KHDRBS3: variants seen among roughly 807,000 people sequenced by gnomAD.
KHDRBS3 encodes the protein KH RNA binding domain containing, signal transduction associated 3.
A neutral mutation model predicts 45.6 loss-of-function variants in KHDRBS3; 23 were observed. The observed-to-expected ratio is 0.50, with a 90% CI of 0.36 to 0.72. The LOEUF is 0.72. Ranked by LOEUF, KHDRBS3 falls within the 30% of genes least tolerant of loss-of-function variation. The probability of loss-of-function intolerance (pLI) is 0.00; values close to 1 mark genes in which losing one functional copy is unlikely to be tolerated. For missense variants in KHDRBS3, 352 were observed against 424.8 expected, an observed-to-expected ratio of 0.83 and a Z score of 1.51; for synonymous variants, 162 against 156.5, an observed-to-expected ratio of 1.04 and a Z score of -0.26.
chr8:135,630,003 G>T (rs1291390822), intron 7 of KHDRBS3, among the ~76,000 whole-genome samples: 1 of 151,610 alleles, frequency 6.6e-6, no homozygotes, highest in African/African-American at 2.4e-5. Flanking sequence ...TCAGGAGATG[G>T]TTTATGGTGG....
In KHDRBS3 at chr8:135,461,216, C is replaced by T. The variant is rs932858515; in HGVS notation, c.88+3262C>T. 6.6e-5 allele frequency among the ~76,000 whole-genome samples: 10 copies of T among 152,112 alleles called. No homozygotes were observed. In the East Asian group the frequency reaches 1.2e-3, roughly 18 times the overall value. ...GCCTTCTGGGTTTGCGCGATTCTCCCGCCTCAGCCTCCCGAGTAGCTGGGA... is the reference window on the plus strand; with the variant it reads ...GCCTTCTGGGTTTGCGCGATTCTCCTGCCTCAGCCTCCCGAGTAGCTGGGA... On this transcript the variant is annotated intron_variant, in intron 1 of 8. Transcript: ENST00000355849.
At chr8:135,470,485 C>CA (rs1056528414) in intron 1 of KHDRBS3, among the ~76,000 whole-genome samples, 2 of 150,832 alleles carry the variant, frequency 1.3e-5, no homozygotes, top group Non-Finnish European at 3.0e-5. Context: ...AATAAGGAGA[C>CA]AAAAAAAGCC....
intron 1 of KHDRBS3, among the ~76,000 whole-genome samples, chr8:135,464,611 T>C (rs1485748858): frequency 6.6e-6 from 1 of 152,244 alleles, no homozygotes; most frequent in African/African-American, 2.4e-5. Context: ...CTTTTGGCTT[T>C]CTGGAAGGGG....
chr8:135,536,139 A>T (rs1485676834), intron 2 of KHDRBS3, among the ~76,000 whole-genome samples: 1 of 148,174 alleles, frequency 6.7e-6, no homozygotes, highest in Non-Finnish European at 1.5e-5. Flanking sequence ...CAAATGCTTG[A>T]GTTTTATTTC....
intron 5 of KHDRBS3, among the ~76,000 whole-genome samples, chr8:135,562,779 T>C (rs1420961834): frequency 6.6e-6 from 1 of 152,166 alleles, no homozygotes; most frequent in African/African-American, 2.4e-5. Context: ...GAGGGAAATA[T>C]GGCTACAGAA....
intron 2 of KHDRBS3, among the ~76,000 whole-genome samples, chr8:135,534,239 A>T (rs7842673): frequency 0.66 from 99,792 of 151,522 alleles, 33,777 homozygotes; most frequent in East Asian, 0.96. Flanking sequence ...ACATTTTTAG[A>T]TAAACACTTA....
chr8:135,594,342 G>T (rs943901873), intron 6 of KHDRBS3, among the ~76,000 whole-genome samples: 2 of 152,128 alleles, frequency 1.3e-5, no homozygotes, highest in Non-Finnish European at 2.9e-5. Context: ...ATTTTATAGG[G>T]CCAGACAGTA....
At chr8:135,560,100 A>G (rs1827095945) in intron 5 of KHDRBS3, among the ~76,000 whole-genome samples, 1 of 152,170 alleles carries the variant, frequency 6.6e-6, no homozygotes, top group African/African-American at 2.4e-5. Context: ...CCCACACATG[A>G]CATTTATATG....
At chr8:135,533,845 A>T (rs973547015) in intron 2 of KHDRBS3, among the ~76,000 whole-genome samples, 15 of 152,196 alleles carry the variant, frequency 9.9e-5, no homozygotes, top group African/African-American at 3.4e-4. Flanking sequence ...ATATGTTCGG[A>T]ACACTCAACA....
At chr8:135,503,643 A>G (rs1823847926) in intron 1 of KHDRBS3, among the ~76,000 whole-genome samples, 1 of 151,634 alleles carries the variant, frequency 6.6e-6, no homozygotes, top group Admixed American at 6.6e-5. Flanking sequence ...TCTTCATGTT[A>G]CAGATGCGAA....
At chr8:135,593,990 C>A (rs553617347) in intron 6 of KHDRBS3, among the ~76,000 whole-genome samples, 1 of 152,000 alleles carries the variant, frequency 6.6e-6, no homozygotes, top group Non-Finnish European at 1.5e-5. Flanking sequence ...TGCGCAGACT[C>A]GATGTGATAT....
At chr8:135,512,428 T>TCGGGG (rs1554620113) in intron 1 of KHDRBS3, among the ~76,000 whole-genome samples, 2 of 27,584 alleles carry the variant, frequency 7.3e-5, no homozygotes, top group African/African-American at 2.5e-4. Context: ...TTTGGAAAAG[T>TCGGGG]CGGGGGGGGG....
chr8:135,625,567 G>T, intron 7 of KHDRBS3: 4 of 937,752 alleles, frequency 4.3e-6, no homozygotes, highest in Non-Finnish European at 7.1e-6. Flanking sequence ...CAACGAGAGA[G>T]GGAGCCACTG....
chr8:135,507,223 G>C (rs572906773), intron 1 of KHDRBS3, among the ~76,000 whole-genome samples: 1 of 152,314 alleles, frequency 6.6e-6, no homozygotes, highest in Non-Finnish European at 1.5e-5. Context: ...AGCTAGTCAT[G>C]TGTAATAAAG....
At chr8:135,564,620 T>G (rs1827316115) in intron 5 of KHDRBS3, among the ~76,000 whole-genome samples, 1 of 152,066 alleles carries the variant, frequency 6.6e-6, no homozygotes, top group Non-Finnish European at 1.5e-5. Context: ...ACAGGCTGAG[T>G]CTCTGCTCAT....
rs1332581723 is a variant in KHDRBS3, at chr8:135,646,796, G to A, written c.950-197G>A. Among the ~76,000 whole-genome samples the A allele has an allele frequency of 4.6e-5, 7 of 152,288 alleles. 1 individual carries two copies. The highest frequency in any genetic ancestry group is 3.9e-4 in the Admixed American group (6 of 15,298). On this transcript the variant is annotated intron_variant, in intron 8 of 8. Coordinates refer to ENST00000355849, the MANE Select transcript of KHDRBS3 (RefSeq NM_006558.3). ...ATCTTCCCACGCTGACGAATTTTGC[G>A]AGTGAGATGATTATTTTTCCTTGTG...
rs188642377 is a variant in KHDRBS3 at position 135,613,855 on chromosome 8, T to C, written c.890+6818T>C. On this transcript the variant is annotated intron_variant, in intron 7 of 8. Coordinates refer to ENST00000355849, the MANE Select transcript of KHDRBS3 (RefSeq NM_006558.3). ...TGATCTGTTGTGTGGAAGGGCTTCTTTCCATAATGACTTTTAAACTCCTGA... is the reference window on the plus strand; with the variant it reads ...TGATCTGTTGTGTGGAAGGGCTTCTCTCCATAATGACTTTTAAACTCCTGA... 1.4e-3 allele frequency among the ~76,000 whole-genome samples: 219 copies of C among 151,798 alleles called. 5 individuals carry two copies. The highest frequency in any genetic ancestry group is 4.9e-3 in the African/African-American group (202 of 41,138).
Position 135,647,111 on chromosome 8 carries a change from C to A in KHDRBS3, c.*27C>A. 1 of 1,177,824 alleles carries A rather than the reference C, an allele frequency of 8.5e-7. No homozygotes were observed. The highest frequency in any genetic ancestry group is 1.3e-6 in the Non-Finnish European group (1 of 782,726). 73.0% of individuals were successfully genotyped at this position (1,177,824 alleles called of 1,614,324 possible). ...TGTACTGTCTGATGTTGTGAAATAG[C>A]CAATCTCCACCAGTCCTGTATACTG... On this transcript the variant is annotated 3_prime_UTR_variant, in exon 9 of 9. Transcript: ENST00000355849.
At chr8:135,534,080 G>A (rs1001850257) in intron 2 of KHDRBS3, among the ~76,000 whole-genome samples, 8 of 151,976 alleles carry the variant, frequency 5.3e-5, no homozygotes, top group African/African-American at 1.9e-4. Flanking sequence ...TCTATATCTT[G>A]TACTGTATCC....
Sources: allele counts gnomAD v4.1 joint callset (sites outside exome capture counted in the v4.1 genomes callset), GRCh38; gene constraint gnomAD v4.1.1; transcripts MANE v1.5; gene names NCBI Gene and HGNC (gene_info 2026-07-23, HGNC 2026-07-21).